The following APOL3 variants were observed in gnomAD, a reference collection of about 807,000 sequenced individuals.
APOL3 encodes the protein TNF-inducible protein CG12-1.
Under a neutral mutation model 11.6 loss-of-function variants are expected in APOL3, and 14 were observed. The observed-to-expected ratio is 1.21, with a 90% CI of 0.80 to 1.89. The LOEUF (loss-of-function observed/expected upper bound fraction) is 1.89. Among genes scored for constraint, APOL3 ranks in the 40% most tolerant of loss-of-function variants. The probability of loss-of-function intolerance (pLI) is 0.00; values close to 1 mark genes in which losing one functional copy is unlikely to be tolerated. For missense variants in APOL3, 483 were observed against 492.1 expected (o/e 0.98, Z 0.17); for synonymous variants, 192 against 190.6 (o/e 1.01, Z -0.06).
At chr22:36,164,508 C>T (rs1218584580), upstream of APOL3, 1 of 152,188 alleles carries the variant, frequency 6.6e-6, no homozygotes, top group African/African-American at 2.4e-5. Context: ...CTAATATTTC[C>T]AAGGCTTGCA....
chr22:36,151,553 A>G (rs998376971), intron 1 of APOL3, among the ~76,000 whole-genome samples: 1 of 152,218 alleles, frequency 6.6e-6, no homozygotes, highest in Admixed American at 6.5e-5. Flanking sequence ...ATAGGCAAGG[A>G]AGCTTTCCAG....
upstream of APOL3, among the ~76,000 whole-genome samples, chr22:36,161,111 G>T (rs2013671470): frequency 6.6e-6 from 1 of 152,140 alleles, no homozygotes; most frequent in Non-Finnish European, 1.5e-5. Context: ...CTCCCTCCAT[G>T]CCATCAGCAT....
chr22:36,141,929 C>G, exon 3 of APOL3: 7 of 1,614,208 alleles, frequency 4.3e-6, no homozygotes, highest in Non-Finnish European at 1.7e-6. Flanking sequence ...GGATCTTCCT[C>G]TTGACTTGGG....
At chr22:36,165,751 G>A (rs1255170855), upstream of APOL3, 1 of 152,090 alleles carries the variant, frequency 6.6e-6, no homozygotes, top group Non-Finnish European at 1.5e-5. Flanking sequence ...CCAGCTACAA[G>A]AGAGCAAAAA....
rs1451661454 is a variant in APOL3, at chr22:36,157,282, A to G, written c.223+3387T>C. Among the ~76,000 whole-genome samples, 5 of 152,194 alleles carry G rather than the reference A, an allele frequency of 3.3e-5. No homozygotes were observed. The East Asian group carries it at 9.6e-4, about 29-fold the overall frequency. ...GGGTCCATGACACTCTTATGCAGCA[A>G]CCAACTACTGCCAGGGACTTTTACG... On this transcript the variant is annotated intron_variant, in intron 1 of 2. Transcript: ENST00000349314.
chr22:36,144,317 C>A (rs186582390), intron 2 of APOL3, among the ~76,000 whole-genome samples: 4 of 152,278 alleles, frequency 2.6e-5, no homozygotes, highest in African/African-American at 9.6e-5. Context: ...CCCATCCTGA[C>A]CCCTGGCTCT....
intron 1 of APOL3, among the ~76,000 whole-genome samples, chr22:36,155,091 C>A (rs1439425682): frequency 6.6e-6 from 1 of 152,208 alleles, no homozygotes; most frequent in Admixed American, 6.5e-5. Context: ...AGTGATCTGG[C>A]AGCCCCAGCC....
At chr22:36,140,617 A>G (rs914059758) in exon 3 of APOL3, 1 of 153,992 alleles carries the variant, frequency 6.5e-6, no homozygotes, top group Non-Finnish European at 1.4e-5. Context: ...CCTAAAGGGG[A>G]TCCATCACAC....
intron 1 of APOL3, chr22:36,154,636 C>T (rs1249233350): frequency 2.1e-6 from 1 of 470,866 alleles, no homozygotes; most frequent in African/African-American, 2.0e-5. Flanking sequence ...CTCCTATGGA[C>T]AGAAATAATG....
chr22:36,158,091 AAGAT>A (rs1229424592), intron 1 of APOL3, among the ~76,000 whole-genome samples: 23 of 152,148 alleles, frequency 1.5e-4, no homozygotes, highest in African/African-American at 5.6e-4. Flanking sequence ...AAATGGGTAA[AAGAT>A]AGGATCTGAA....
At chr22:36,160,360 T>C (rs1263046757) in intron 1 of APOL3, among the ~76,000 whole-genome samples, 1 of 152,170 alleles carries the variant, frequency 6.6e-6, no homozygotes, top group South Asian at 2.1e-4. Context: ...AGTCCCAACA[T>C]CTGCCTTCCT....
chr22:36,145,763 C>T (rs1372393520), intron 1 of APOL3, among the ~76,000 whole-genome samples, 164 bp from the exon 3 acceptor site: 1 of 152,132 alleles, frequency 6.6e-6, no homozygotes, highest in Non-Finnish European at 1.5e-5. Context: ...CCTCCAAATT[C>T]ATATACTGAG....
At chr22:36,155,216 G>A (rs868396757) in intron 1 of APOL3, among the ~76,000 whole-genome samples, 1 of 152,190 alleles carries the variant, frequency 6.6e-6, no homozygotes, top group South Asian at 2.1e-4. Flanking sequence ...TTGGCTCCAA[G>A]CAGGCCCCTA....
exon 3 of APOL3, chr22:36,141,883 C>G: frequency 6.2e-7 from 1 of 1,614,208 alleles, no homozygotes. Flanking sequence ...TCTTCAATAC[C>G]ATTTGCAAGG....
intron 1 of APOL3, chr22:36,149,115 C>A (rs1268364083): frequency 7.3e-7 from 1 of 1,368,046 alleles, no homozygotes; most frequent in Admixed American, 1.9e-5. Context: ...ACTGACCTGA[C>A]TGGAAGGGTT....
chr22:36,153,351 A>T (rs1486354264), intron 1 of APOL3: 5 of 455,810 alleles, frequency 1.1e-5, no homozygotes, highest in South Asian at 7.7e-5. Flanking sequence ...GCAAGTGCCA[A>T]AGAGAAATAC....
At chr22:36,145,999 T>A (rs1377473981) in intron 1 of APOL3, 65 of 133,128 alleles carry the variant, frequency 4.9e-4, no homozygotes, top group African/African-American at 1.5e-3. Flanking sequence ...TCTCTCTCTC[T>A]CTCACACACT....
chr22:36,159,718 C>T (rs1228725918), intron 1 of APOL3: 1 of 152,212 alleles, frequency 6.6e-6, no homozygotes, highest in Non-Finnish European at 1.5e-5. Context: ...GACATGGAGT[C>T]CTGTGATCTA....
At chr22:36,165,719 C>T (rs1464783668), upstream of APOL3, 1 of 152,164 alleles carries the variant, frequency 6.6e-6, no homozygotes, top group Non-Finnish European at 1.5e-5. Context: ...TGGATGGCCA[C>T]CACTTTTCTC....
Sources: gnomAD v4.1 joint callset for allele counts (sites outside exome capture counted in the v4.1 genomes callset) on GRCh38, gnomAD v4.1.1 for gene constraint, MANE v1.5 for transcripts, NCBI Gene and HGNC (gene_info 2026-07-23, HGNC 2026-07-21) for gene names.